The following ZZZ3 variants were observed in gnomAD, a reference collection of about 807,000 sequenced individuals.
The protein encoded by ZZZ3 is zinc finger ZZ-type containing 3, also known as ZZ-type zinc finger-containing protein 3.
In ZZZ3, 22 loss-of-function variants were observed where a neutral mutation model predicts 95.2. The observed-to-expected ratio is 0.23, with a 90% CI of 0.17 to 0.33. The LOEUF is 0.33. Ranked by LOEUF, ZZZ3 falls within the 10% of genes least tolerant of loss-of-function variation. ZZZ3 has a pLI of 1.00. For synonymous variants in ZZZ3, 335 were observed against 358.9 expected, an observed-to-expected ratio of 0.93 and a Z score of 0.75; for missense variants, 885 against 1,066.5, an observed-to-expected ratio of 0.83 and a Z score of 2.37.
At chr1:77,579,498 C>G in intron 10 of ZZZ3, 29 bp downstream of exon 10, 1 of 1,501,582 alleles carries the variant, frequency 6.7e-7, no homozygotes, top group Non-Finnish European at 9.2e-7. Flanking sequence ...AAAAGCATAC[C>G]AGCAATCTGC....
At chr1:77,634,976 C>A (rs1668165097) in intron 4 of ZZZ3, among the ~76,000 whole-genome samples, 1 of 152,190 alleles carries the variant, frequency 6.6e-6, no homozygotes, top group African/African-American at 2.4e-5. Context: ...ACAGTCCCTT[C>A]CTCCTGCCTT....
At chr1:77,670,672 C>T (rs142300688) in intron 1 of ZZZ3, among the ~76,000 whole-genome samples, 28 of 151,806 alleles carry the variant, frequency 1.8e-4, no homozygotes, top group African/African-American at 6.8e-4. Context: ...GATAACAACA[C>T]CTTGATGAAC....
chr1:77,595,412 T>C (rs998857650), intron 5 of ZZZ3, among the ~76,000 whole-genome samples: 1 of 151,744 alleles, frequency 6.6e-6, no homozygotes, highest in Non-Finnish European at 1.5e-5. Flanking sequence ...TCCTGAAAAA[T>C]AGATGGGATT....
chr1:77,652,396 G>C (rs951691421), intron 1 of ZZZ3, among the ~76,000 whole-genome samples: 1 of 152,270 alleles, frequency 6.6e-6, no homozygotes, highest in Non-Finnish European at 1.5e-5. Flanking sequence ...ACCACAGTGA[G>C]ATACTTCACA....
chr1:77,666,635 G>A (rs943626770), intron 1 of ZZZ3, among the ~76,000 whole-genome samples: 2 of 152,124 alleles, frequency 1.3e-5, no homozygotes, highest in African/African-American at 4.8e-5. Context: ...AATTCAGCAA[G>A]TATTCACTGA....
chr1:77,565,575 C>A lies in ZZZ3; in HGVS notation c.*65G>T. ...GCAGAGAATCTTTCCAAACTGTGCA[C>A]ATAATTAACAATGATACCATTGCTA... On this transcript the variant is annotated 3_prime_UTR_variant, in exon 15 of 15. Coordinates refer to ENST00000370801, the MANE Select transcript of ZZZ3 (RefSeq NM_015534.6). The A allele has an allele frequency of 6.6e-7, 1 of 1,521,170 alleles. No homozygotes were observed. The highest frequency in any genetic ancestry group is 9.0e-7 in the Non-Finnish European group (1 of 1,113,330). The allele number at this position is 1,521,170 out of a possible 1,614,324, so 94.2% of individuals were successfully genotyped here. A position where few individuals can be genotyped will look rare whatever the true frequency, so the allele number is the denominator to read the frequency against.
chr1:77,642,541 C>T (rs962739666), intron 1 of ZZZ3, among the ~76,000 whole-genome samples: 7 of 151,118 alleles, frequency 4.6e-5, no homozygotes, highest in Non-Finnish European at 8.8e-5. Flanking sequence ...CTCAGGCATT[C>T]GAGACCAGCC....
chr1:77,620,316 T>A (rs1666721977), intron 5 of ZZZ3, among the ~76,000 whole-genome samples: 1 of 152,184 alleles, frequency 6.6e-6, no homozygotes, highest in South Asian at 2.1e-4. Flanking sequence ...CATGCAATGA[T>A]TCATTTTAAA....
chr1:77,668,655 A>AAG (rs1212147350), intron 1 of ZZZ3, among the ~76,000 whole-genome samples: 1 of 151,802 alleles, frequency 6.6e-6, no homozygotes, highest in East Asian at 1.9e-4. Context: ...CTCAAAAAAA[A>AAG]AAAAAAAAAA....
chr1:77,610,961 C>T (rs1416065093), intron 5 of ZZZ3, among the ~76,000 whole-genome samples: 2 of 151,720 alleles, frequency 1.3e-5, no homozygotes, highest in Non-Finnish European at 2.9e-5. Flanking sequence ...AATAGAAGTC[C>T]TAGACACAGC....
At chr1:77,678,412 C>A (rs1047496489) in intron 1 of ZZZ3, among the ~76,000 whole-genome samples, 2 of 152,140 alleles carry the variant, frequency 1.3e-5, no homozygotes, top group African/African-American at 4.8e-5. Context: ...TGAAACTTAA[C>A]ATTTAATTAA....
chr1:77,583,025 A>C (rs906965442), intron 6 of ZZZ3, among the ~76,000 whole-genome samples: 3 of 152,038 alleles, frequency 2.0e-5, no homozygotes, highest in African/African-American at 7.2e-5. Context: ...GAATCTGTTG[A>C]ACCTGGGAGG....
chr1:77,569,588 A>G (rs762644574), intron 12 of ZZZ3, among the ~76,000 whole-genome samples: 29 of 152,070 alleles, frequency 1.9e-4, no homozygotes. Context: ...CCAACTCGCT[A>G]TTTCTGGCCT....
chr1:77,631,663 A>C (rs755491531), intron 5 of ZZZ3, among the ~76,000 whole-genome samples, 187 bp downstream of exon 5: 6 of 152,214 alleles, frequency 3.9e-5, no homozygotes, highest in Non-Finnish European at 7.3e-5. Context: ...TTGTCATAGA[A>C]CACACGTGTA....
In ZZZ3 at chr1:77,633,296, T is replaced by A. The variant is rs1667991874; in HGVS notation, c.59A>T (p.Asp20Val). Reference sequence around the variant, plus strand: ...TAAAGTTCTACCACAAAAAGATTCATCCAAGCCGTTTAACCCCACTGTTGA... The same window carrying A: ...TAAAGTTCTACCACAAAAAGATTCAACCAAGCCGTTTAACCCCACTGTTGA... ...TRSTVGLNGL[D>V]ESFCGRTLRN... The change falls in exon 5 of 15, where the codon GAT (aspartate) becomes GTT (valine). Residue 20 changes from aspartate to valine, a missense_variant. Around this residue, in one of 5 missense-constraint regions of ZZZ3, gnomAD observed 556 missense variants for 652.9 expected, o/e 0.85. Transcript: ENST00000370801. 1 of 1,613,814 alleles carries A rather than the reference T, an allele frequency of 6.2e-7. No homozygotes were observed. Among genetic ancestry groups the A allele is most frequent in the Admixed American group, 1.7e-5 (1 of 59,980 alleles).
At chr1:77,634,991 C>A (rs1271601868) in intron 4 of ZZZ3, among the ~76,000 whole-genome samples, 2 of 152,180 alleles carry the variant, frequency 1.3e-5, no homozygotes, top group Non-Finnish European at 2.9e-5. Context: ...TGCCTTTGGT[C>A]ATCAACAGTC....
intron 5 of ZZZ3, among the ~76,000 whole-genome samples, chr1:77,621,067 C>T (rs547917250): frequency 1.3e-5 from 2 of 152,284 alleles, no homozygotes; most frequent in African/African-American, 4.8e-5. Flanking sequence ...TAGAGTTCCT[C>T]AAATCTAGCC....
intron 5 of ZZZ3, chr1:77,585,060 G>C (rs1662952060): frequency 6.5e-6 from 1 of 152,746 alleles, no homozygotes; most frequent in South Asian, 2.1e-4. Context: ...AGGGAAATCT[G>C]AGGTATGTTT....
intron 5 of ZZZ3, among the ~76,000 whole-genome samples, chr1:77,585,521 A>G (rs1662998557): frequency 6.6e-6 from 1 of 152,220 alleles, no homozygotes; most frequent in Non-Finnish European, 1.5e-5. Flanking sequence ...CAACTCAAGG[A>G]AAAGTCACTC....
Sources: gnomAD v4.1 joint callset for allele counts (sites outside exome capture counted in the v4.1 genomes callset) on GRCh38, gnomAD v4.1.1 for gene constraint, gnomAD v4.1.1 regional missense constraint, MANE v1.5 for transcripts, NCBI Gene and HGNC (gene_info 2026-07-23, HGNC 2026-07-21) for gene names.